The following ORC3 variants were observed in gnomAD, a reference collection of about 807,000 sequenced individuals.
The protein encoded by ORC3 is origin recognition complex subunit 3, also known as homolog of latheo, Drosophila.
A neutral mutation model predicts 100.7 loss-of-function variants in ORC3; 78 were observed. The ratio of observed to expected loss-of-function variants is 0.77; its 90% CI spans 0.65 to 0.94. The LOEUF (loss-of-function observed/expected upper bound fraction) is 0.94. Ranked by LOEUF, ORC3 falls within the 40% of genes least tolerant of loss-of-function variation. The pLI is 0.00. For missense variants in ORC3, 789 were observed against 823.9 expected (o/e 0.96, Z 0.52); for synonymous variants, 295 against 289.3 (o/e 1.02, Z -0.20).
chr6:87,617,695 C>T (rs1187749988), intron 9 of ORC3, among the ~76,000 whole-genome samples: 1 of 152,154 alleles, frequency 6.6e-6, no homozygotes, highest in African/African-American at 2.4e-5. Flanking sequence ...AATTGTGTCA[C>T]TGCACTCTAG....
the ORC3 span, among the ~76,000 whole-genome samples, chr6:87,674,565 C>T: frequency 6.7e-6 from 1 of 149,016 alleles, no homozygotes; most frequent in South Asian, 2.1e-4. Context: ...TGAGGTAATT[C>T]TATAGCAATT....
the ORC3 span, chr6:87,674,995 G>GA: frequency 0.46 from 59,778 of 131,060 alleles, 12,479 homozygotes; most frequent in Admixed American, 0.57. Flanking sequence ...TGATACACTG[G>GA]AAAAAAAAAA....
chr6:87,650,851 T>C, intron 13 of ORC3: 1 of 252,320 alleles, frequency 4.0e-6, no homozygotes, highest in South Asian at 4.8e-5. Context: ...CTACTAAAAA[T>C]ACAAAATTAG....
At chr6:87,642,135 A>T (rs1482126088) in intron 13 of ORC3, among the ~76,000 whole-genome samples, 3 of 152,184 alleles carry the variant, frequency 2.0e-5, no homozygotes, top group African/African-American at 7.2e-5. Context: ...ATCTCTACAA[A>T]AAATACAAAA....
At chr6:87,633,568 G>A (rs1284597841) in intron 11 of ORC3, among the ~76,000 whole-genome samples, 1 of 152,170 alleles carries the variant, frequency 6.6e-6, no homozygotes, top group Non-Finnish European at 1.5e-5. Flanking sequence ...GTGAGTTGGT[G>A]TTTAGGAAGA....
At chr6:87,603,016 G>C (rs1778080713) in intron 3 of ORC3, among the ~76,000 whole-genome samples, 1 of 134,132 alleles carries the variant, frequency 7.5e-6, no homozygotes, top group Non-Finnish European at 1.6e-5. Flanking sequence ...GTCTTGCTCT[G>C]TCACCCAGGC....
intron 16 of ORC3, among the ~76,000 whole-genome samples, chr6:87,659,657 AG>A (rs1770030971): frequency 6.6e-6 from 1 of 151,926 alleles, no homozygotes; most frequent in Admixed American, 6.6e-5. Context: ...CAAGGTGGGC[AG>A]ATCACTTGAG....
At chr6:87,627,804 G>C (rs1057297891) in intron 11 of ORC3, among the ~76,000 whole-genome samples, 1 of 152,080 alleles carries the variant, frequency 6.6e-6, no homozygotes, top group South Asian at 2.1e-4. Flanking sequence ...TTTACAGTCT[G>C]TATAACTGGA....
At chr6:87,662,752 T>G (rs567019008) in intron 16 of ORC3, among the ~76,000 whole-genome samples, 1 of 152,234 alleles carries the variant, frequency 6.6e-6, no homozygotes, top group South Asian at 2.1e-4. Context: ...TTAAAAACTA[T>G]TATATGGAAG....
At chr6:87,637,851 G>T (rs1046314532) in intron 13 of ORC3, among the ~76,000 whole-genome samples, 3 of 152,202 alleles carry the variant, frequency 2.0e-5, no homozygotes, top group African/African-American at 7.2e-5. Flanking sequence ...AAGGCTTGCT[G>T]TGTGCAAGGC....
At chr6:87,641,001 C>T (rs914269616) in intron 13 of ORC3, among the ~76,000 whole-genome samples, 5 of 151,848 alleles carry the variant, frequency 3.3e-5, no homozygotes, top group South Asian at 2.1e-4. Flanking sequence ...CCCAGCTACT[C>T]GGGAGGCTGA....
intron 7 of ORC3, among the ~76,000 whole-genome samples, chr6:87,611,289 T>C (rs538881388): frequency 6.6e-6 from 1 of 152,214 alleles, no homozygotes; most frequent in Admixed American, 6.5e-5. Context: ...CCTAGGACTT[T>C]TCTTAATGCT....
At position 87,635,681 on chromosome 6, in the gene ORC3, C is replaced by T. The variant is rs149532701; in HGVS notation, c.1302+720C>T. 3.9e-5 allele frequency among the ~76,000 whole-genome samples: 6 copies of T among 152,032 alleles called. No individual in the cohort carries two copies. The East Asian group carries it at 1.2e-3, about 30-fold the overall frequency. ...GCGTGGTGGCACACACCTGTAGTCC[C>T]AGCTATGAGGGAGGCTGAGGCAGGA... On this transcript the variant is annotated intron_variant, in intron 12 of 19. Transcript: ENST00000392844.
intron 13 of ORC3, among the ~76,000 whole-genome samples, chr6:87,638,396 C>T (rs987164487): frequency 6.6e-6 from 1 of 152,182 alleles, no homozygotes; most frequent in Non-Finnish European, 1.5e-5. Flanking sequence ...TTCTCATCAC[C>T]TGTCTTGAAA....
intron 2 of ORC3, among the ~76,000 whole-genome samples, chr6:87,599,170 T>G (rs1039618856): frequency 6.6e-6 from 1 of 152,198 alleles, no homozygotes; most frequent in Admixed American, 6.6e-5. Flanking sequence ...AGTATCCTAC[T>G]GCTGTGTTTC....
Position 87,667,369 on chromosome 6 carries a change from A to G in ORC3, c.*246A>G. On this transcript the variant is annotated 3_prime_UTR_variant, in exon 20 of 20. Transcript: ENST00000392844. Reference sequence around the variant, plus strand: ...GCTCACACATTTTACTGTACTTTCCAAAGTCATTACTAAATTGTGAGTAAA... The same window carrying G: ...GCTCACACATTTTACTGTACTTTCCGAAGTCATTACTAAATTGTGAGTAAA... The G allele has an allele frequency of 2.8e-6, 1 of 351,126 alleles. No individual in the cohort carries two copies. The highest frequency in any genetic ancestry group is 5.1e-6 in the Non-Finnish European group (1 of 197,250). 21.8% of individuals were successfully genotyped at this position (351,126 alleles called of 1,614,324 possible). A position where few individuals can be genotyped will look rare whatever the true frequency, so the allele number is the denominator to read the frequency against.
intron 3 of ORC3, 33 bp downstream of exon 3, chr6:87,601,914 C>A: frequency 2.5e-6 from 3 of 1,184,362 alleles, no homozygotes; most frequent in Non-Finnish European, 3.8e-6. Flanking sequence ...TTCTGTAACA[C>A]CCTAAGTCTC....
chr6:87,610,808 C>T (rs2128253834), intron 7 of ORC3, among the ~76,000 whole-genome samples: 1 of 149,846 alleles, frequency 6.7e-6, no homozygotes, highest in South Asian at 2.1e-4. Context: ...CCGCCTCGGC[C>T]TCCCAAAGTG....
chr6:87,618,239 T>C (rs1047657896), intron 9 of ORC3, among the ~76,000 whole-genome samples: 1 of 152,108 alleles, frequency 6.6e-6, no homozygotes, highest in African/African-American at 2.4e-5. Context: ...TGAAACCCTG[T>C]CTCTACTAAA....
Sources: gnomAD v4.1 joint callset for allele counts (sites outside exome capture counted in the v4.1 genomes callset) on GRCh38, gnomAD v4.1.1 for gene constraint, MANE v1.5 for transcripts, NCBI Gene and HGNC (gene_info 2026-07-23, HGNC 2026-07-21) for gene names.